Variants in PCNX1 observed in about 807,000 individuals in gnomAD.
PCNX1 encodes the protein pecanex-like protein 1.
Under a neutral mutation model 242.2 loss-of-function variants are expected in PCNX1, and 78 were observed. The ratio of observed to expected loss-of-function variants is 0.32; its 90% CI spans 0.27 to 0.39. The LOEUF (loss-of-function observed/expected upper bound fraction) is 0.39. Among genes scored for constraint, PCNX1 ranks in the 10% least tolerant of loss-of-function variants. The pLI, the probability that PCNX1 is intolerant of heterozygous loss-of-function variation, is 1.00. For missense variants in PCNX1, 2,581 were observed against 2,856.5 expected, an observed-to-expected ratio of 0.90 and a Z score of 2.20; for synonymous variants, 1,024 against 1,032.9, an observed-to-expected ratio of 0.99 and a Z score of 0.17.
At chr14:70,923,370 A>C (rs1377969129) in intron 1 of PCNX1, among the ~76,000 whole-genome samples, 2 of 152,202 alleles carry the variant, frequency 1.3e-5, no homozygotes, top group African/African-American at 4.8e-5. Context: ...GTAAGAAAAA[A>C]ATTCATGTTT....
At position 71,110,203 on chromosome 14, in the gene PCNX1, A is replaced by G. The variant is rs1377322965; in HGVS notation, c.*268A>G. On this transcript the variant is annotated 3_prime_UTR_variant, in exon 36 of 36. Coordinates refer to ENST00000304743, the MANE Select transcript of PCNX1 (RefSeq NM_014982.3). The stretch of plus-strand genomic sequence containing the variant: ...GAAGGATAAAGTTCTGTTAAAATAC[A>G]TCCTTAAAAAAAGTTTTTCCTATGC... The G allele has an allele frequency of 8.9e-6, 4 of 451,738 alleles. No individual in the cohort carries two copies. The highest frequency in any genetic ancestry group is 1.6e-5 in the Non-Finnish European group (4 of 246,186). 28.0% of individuals were successfully genotyped at this position (451,738 alleles called of 1,614,324 possible).
intron 6 of PCNX1, among the ~76,000 whole-genome samples, chr14:70,981,327 G>A (rs918799944): frequency 6.6e-6 from 1 of 152,144 alleles, no homozygotes; most frequent in African/African-American, 2.4e-5. Flanking sequence ...GTGATTAAAT[G>A]TAGAAATAAA....
intron 8 of PCNX1, among the ~76,000 whole-genome samples, chr14:71,003,174 C>T (rs1472657284): frequency 6.7e-6 from 1 of 149,084 alleles, no homozygotes; most frequent in African/African-American, 2.5e-5. Context: ...ACCTCTGCCT[C>T]CTGGGTTCAA....
At chr14:71,099,949 A>G (rs1252797858) in intron 30 of PCNX1, among the ~76,000 whole-genome samples, 3 of 152,066 alleles carry the variant, frequency 2.0e-5, no homozygotes, top group Admixed American at 6.5e-5. Flanking sequence ...CTTTGCACCT[A>G]TGAGTGTCAT....
At chr14:71,010,061 A>G (rs992334403) in intron 9 of PCNX1, among the ~76,000 whole-genome samples, 4 of 152,130 alleles carry the variant, frequency 2.6e-5, no homozygotes, top group African/African-American at 7.2e-5. Flanking sequence ...TATTTTGAAA[A>G]CATCTTTATA....
intron 28 of PCNX1, among the ~76,000 whole-genome samples, chr14:71,080,465 G>A (rs1435634181): frequency 1.3e-5 from 2 of 152,142 alleles, no homozygotes; most frequent in African/African-American, 4.8e-5. Context: ...ACTTTGGGTA[G>A]TATGGCCATT....
chr14:71,033,393 G>A lies in PCNX1; in HGVS notation c.3559-36G>A, dbSNP rs770157393. On this transcript the variant is annotated intron_variant, in intron 16 of 35. Coordinates refer to ENST00000304743, the MANE Select transcript of PCNX1 (RefSeq NM_014982.3). ...GGATTATGTGATATATTACAAATTA[G>A]AAGCATATTATTCTGTTAAATTCAT... 1.3e-5 allele frequency: 13 copies of A among 1,006,472 alleles called. No homozygotes were observed. In the South Asian group the frequency reaches 1.3e-4, roughly 10 times the overall value. 62.3% of individuals were successfully genotyped at this position (1,006,472 alleles called of 1,614,324 possible). A position where few individuals can be genotyped will look rare whatever the true frequency, so the allele number is the denominator to read the frequency against.
intron 30 of PCNX1, among the ~76,000 whole-genome samples, chr14:71,096,971 C>G (rs2062304150): frequency 6.6e-6 from 1 of 152,132 alleles, no homozygotes; most frequent in African/African-American, 2.4e-5. Flanking sequence ...TCACCCCATA[C>G]AGAGAAGGAT....
rs1861428216 is a variant in PCNX1 at position 71,045,191 on chromosome 14, A to G, written c.3926A>G (p.Tyr1309Cys). 6.2e-7 allele frequency: 1 copy of G among 1,613,178 alleles called. No homozygotes were observed. ...GGCTTTGTGGGTTTTGTAACCCATT[A>G]TGTGCTGCCTCAAGTTAGAAAACAG... ...LVGFVGFVTH[Y>C]VLPQVRKQLP... is the part of the protein sequence containing the mutation. Residue 1309 changes from tyrosine (Y) to cysteine (C), a missense_variant, in exon 20 of 36, where the codon TAT (tyrosine) becomes TGT (cysteine). Physicochemically the swap from Tyr to Cys is radical, Grantham distance 194. Transcript: ENST00000304743.
chr14:70,927,692 C>T (rs1044844474), intron 1 of PCNX1, among the ~76,000 whole-genome samples: 5 of 151,908 alleles, frequency 3.3e-5, no homozygotes, highest in Admixed American at 6.6e-5. Context: ...CAGGTTCAAG[C>T]GATTCTCCTG....
Position 70,923,666 on chromosome 14 carries a change from A to AC in PCNX1, c.153+15669dup, listed in dbSNP as rs373502278. Among the ~76,000 whole-genome samples, 3 of 151,882 alleles carry AC rather than the reference A, an allele frequency of 2.0e-5. 1 individual carries two copies. Among genetic ancestry groups the AC allele is most frequent in the Admixed American group, 2.0e-4 (3 of 15,246 alleles). Reference sequence around the variant, plus strand: ...TACTAGTGTATATACTGGCTTCCCCACCCCCCACTTAATATATCTTAAACA... The same window carrying AC: ...TACTAGTGTATATACTGGCTTCCCCACCCCCCCACTTAATATATCTTAAACA... On this transcript the variant is annotated intron_variant, in intron 1 of 35. Transcript: ENST00000304743.
At chr14:71,080,634 A>G (rs902404873) in intron 28 of PCNX1, among the ~76,000 whole-genome samples, 3 of 152,292 alleles carry the variant, frequency 2.0e-5, no homozygotes, top group South Asian at 2.1e-4. Flanking sequence ...CTTTGTAGCA[A>G]TTGTGAATGG....
rs893280897 is a variant in PCNX1 at position 71,008,525 on chromosome 14, G to A, written c.2630-1109G>A. On this transcript the variant is annotated intron_variant, in intron 8 of 35. Coordinates refer to ENST00000304743, the MANE Select transcript of PCNX1 (RefSeq NM_014982.3). ...CGAAAAATTAGCCGGGCGTGGTGGC[G>A]GGCGCCTGTAGTCCCAGCTACTCGG... 4.0e-4 allele frequency among the ~76,000 whole-genome samples: 61 copies of A among 151,728 alleles called. 2 individuals carry two copies. Among genetic ancestry groups the A allele is most frequent in the African/African-American group, 5.8e-4 (24 of 41,382 alleles).
At chr14:70,961,089 C>T (rs1008777278) in intron 2 of PCNX1, among the ~76,000 whole-genome samples, 2 of 152,116 alleles carry the variant, frequency 1.3e-5, no homozygotes, top group Non-Finnish European at 2.9e-5. Flanking sequence ...GGCCATACTG[C>T]CCAAGGTAAT....
intron 5 of PCNX1, among the ~76,000 whole-genome samples, chr14:70,971,980 C>T (rs963433159): frequency 6.6e-6 from 1 of 152,166 alleles, no homozygotes; most frequent in Non-Finnish European, 1.5e-5. Context: ...AGTGGAATCA[C>T]TCCGGCTCCT....
intron 3 of PCNX1, among the ~76,000 whole-genome samples, chr14:70,963,663 C>CTATTAAA (rs1265990182): frequency 6.6e-6 from 1 of 152,190 alleles, no homozygotes; most frequent in African/African-American, 2.4e-5. Context: ...AATGACTAAA[C>CTATTAAA]TATTAAAGGT....
intron 1 of PCNX1, among the ~76,000 whole-genome samples, chr14:70,910,491 A>G (rs2055849287): frequency 6.6e-6 from 1 of 151,826 alleles, no homozygotes. Context: ...TTCCTGCTTC[A>G]GCGCCTTTGT....
intron 26 of PCNX1, among the ~76,000 whole-genome samples, chr14:71,068,967 G>A (rs567894508): frequency 2.6e-5 from 4 of 152,066 alleles, no homozygotes; most frequent in African/African-American, 4.8e-5. Flanking sequence ...TGATAAACAC[G>A]TACTCGAGAC....
intron 23 of PCNX1, among the ~76,000 whole-genome samples, chr14:71,051,168 C>T (rs1275575503): frequency 2.4e-5 from 1 of 41,780 alleles, no homozygotes; most frequent in Non-Finnish European, 4.3e-5. Flanking sequence ...AACTCTGTCT[C>T]AAAAAAAAAA....
Sources: allele counts gnomAD v4.1 joint callset (sites outside exome capture counted in the v4.1 genomes callset), GRCh38; gene constraint gnomAD v4.1.1; transcripts MANE v1.5; gene names NCBI Gene and HGNC (gene_info 2026-07-23, HGNC 2026-07-21).